Variants in CMSS1 observed in about 807,000 individuals in gnomAD.
CMSS1 encodes protein CMSS1.
A neutral mutation model predicts 43.5 loss-of-function variants in CMSS1; 33 were observed. The ratio of observed to expected loss-of-function variants is 0.76; its 90% CI spans 0.57 to 1.01. CMSS1 has a LOEUF of 1.01. CMSS1 is among the 50% of genes least tolerant of loss of function. CMSS1 has a pLI of 0.00. For missense variants in CMSS1, 313 were observed against 326.4 expected (o/e 0.96, Z 0.32); for synonymous variants, 115 against 117.2 (o/e 0.98, Z 0.12).
intron 1 of CMSS1, among the ~76,000 whole-genome samples, chr3:100,059,425 G>A (rs1299946320): frequency 1.3e-5 from 2 of 152,060 alleles, no homozygotes; most frequent in Admixed American, 1.3e-4. Flanking sequence ...GCTTTCCCCT[G>A]CTTCTTCACT....
intron 1 of CMSS1, among the ~76,000 whole-genome samples, chr3:99,981,484 A>G (rs1274553761): frequency 6.6e-6 from 1 of 152,160 alleles, no homozygotes; most frequent in African/African-American, 2.4e-5. Context: ...TCACAATGAT[A>G]CATGATAAAT....
chr3:99,875,736 A>C, intron 1 of CMSS1, among the ~76,000 whole-genome samples: 1 of 152,152 alleles, frequency 6.6e-6, no homozygotes, highest in Admixed American at 6.5e-5. Flanking sequence ...GCTGCAGTAC[A>C]ATATAGTCTC....
chr3:100,178,504 C>A lies in CMSS1; in HGVS notation c.*116C>A, dbSNP rs1388244876. On this transcript the variant is annotated 3_prime_UTR_variant, in exon 10 of 10. Coordinates refer to ENST00000421999, the MANE Select transcript of CMSS1 (RefSeq NM_032359.4). ...AGCAAATAGTTTATGTTAATTGTGT[C>A]AACAGATGGATCACTGGAATGTGGG... The A allele has an allele frequency of 1.6e-6, 1 of 616,830 alleles. No homozygotes were observed. The highest frequency in any genetic ancestry group is 2.2e-5 in the South Asian group (1 of 46,384). The allele number at this position is 616,830 out of a possible 1,614,324, so 38.2% of individuals were successfully genotyped here.
chr3:100,111,539 G>C (rs1399956651), intron 1 of CMSS1, among the ~76,000 whole-genome samples: 1 of 152,142 alleles, frequency 6.6e-6, no homozygotes, highest in East Asian at 1.9e-4. Context: ...AAATGACATT[G>C]TTAATGCCAT....
At chr3:100,159,801 G>A (rs555188871) in intron 2 of CMSS1, 16 of 427,874 alleles carry the variant, frequency 3.7e-5, no homozygotes, top group Non-Finnish European at 7.1e-5. Context: ...AAGGCAACAG[G>A]CAAAACAGAT....
At chr3:99,988,222 G>A (rs1483993165) in intron 1 of CMSS1, among the ~76,000 whole-genome samples, 3 of 151,468 alleles carry the variant, frequency 2.0e-5, no homozygotes, top group Admixed American at 6.6e-5. Context: ...ATTTGGCCGG[G>A]CGCAGTGCCT....
chr3:100,091,477 T>G (rs1262409420), intron 1 of CMSS1, among the ~76,000 whole-genome samples: 2 of 152,150 alleles, frequency 1.3e-5, no homozygotes, highest in African/African-American at 4.8e-5. Context: ...GAGCAGCCAG[T>G]TTTAAAGATG....
At chr3:99,847,878 A>C (rs2107519556) in intron 1 of CMSS1, 1 of 904,412 alleles carries the variant, frequency 1.1e-6, no homozygotes, top group East Asian at 1.1e-4. Flanking sequence ...TCTATTGTAC[A>C]TGCAGAAATA....
chr3:99,977,185 A>G (rs1331953816), intron 1 of CMSS1, among the ~76,000 whole-genome samples: 2 of 152,226 alleles, frequency 1.3e-5, no homozygotes, highest in Admixed American at 1.3e-4. Flanking sequence ...TAAGAGGCAT[A>G]AGGCTGGAGG....
chr3:99,852,261 C>T (rs1479962917), intron 1 of CMSS1, among the ~76,000 whole-genome samples: 2 of 152,048 alleles, frequency 1.3e-5, no homozygotes, highest in Non-Finnish European at 2.9e-5. Flanking sequence ...AGGAATTGAA[C>T]CAAAGGACTT....
In CMSS1 at chr3:99,840,903, T is replaced by C. The variant is rs1466338405; in HGVS notation, c.64+22860T>C. Among the ~76,000 whole-genome samples the C allele has an allele frequency of 2.0e-5, 3 of 152,262 alleles. No individual in the cohort carries two copies. The East Asian group carries it at 5.8e-4, about 29-fold the overall frequency. On this transcript the variant is annotated intron_variant, in intron 1 of 9. Transcript: ENST00000421999. ...CTTAACTGAGGCTTTGTTAATCTAC[T>C]GTGGTCTTCCTTAATCTCCAGTTTA...
chr3:99,879,226 C>T (rs186910109), intron 1 of CMSS1, among the ~76,000 whole-genome samples: 49 of 152,080 alleles, frequency 3.2e-4, no homozygotes, highest in African/African-American at 1.2e-3. Flanking sequence ...CTTTCTAATG[C>T]GGGAGAAGGG....
intron 1 of CMSS1, chr3:99,847,871 A>G (rs1008311699): frequency 1.0e-5 from 9 of 872,726 alleles, no homozygotes; most frequent in African/African-American, 5.5e-5. Flanking sequence ...ACAAAATTCT[A>G]TTGTACATGC....
At chr3:100,074,840 C>A (rs1217198603) in intron 1 of CMSS1, among the ~76,000 whole-genome samples, 1 of 151,128 alleles carries the variant, frequency 6.6e-6, no homozygotes, top group Non-Finnish European at 1.5e-5. Context: ...ATTACAGGTG[C>A]GCACCACCAC....
At chr3:99,818,495 A>AT (rs1185694142) in intron 1 of CMSS1, among the ~76,000 whole-genome samples, 1 of 152,206 alleles carries the variant, frequency 6.6e-6, no homozygotes, top group African/African-American at 2.4e-5. Context: ...GATAACAATA[A>AT]TGTCCATTTC....
chr3:100,041,483 A>G (rs1425726688), intron 1 of CMSS1: 1 of 152,110 alleles, frequency 6.6e-6, no homozygotes, highest in African/African-American at 2.4e-5. Context: ...TAGCCCTGTT[A>G]TATCAGTGTT....
chr3:100,062,093 C>CTTCT (rs2065577734), intron 1 of CMSS1, among the ~76,000 whole-genome samples: 1 of 53,154 alleles, frequency 1.9e-5, no homozygotes, highest in Non-Finnish European at 3.4e-5. Flanking sequence ...CTGTCTTCTT[C>CTTCT]TTTTTTTTTT....
At chr3:99,905,609 C>T (rs1706589380) in intron 1 of CMSS1, among the ~76,000 whole-genome samples, 1 of 152,188 alleles carries the variant, frequency 6.6e-6, no homozygotes, top group Admixed American at 6.5e-5. Flanking sequence ...TACACTTTTA[C>T]ATATGTGTGT....
intron 2 of CMSS1, chr3:100,159,804 A>G: frequency 2.3e-6 from 1 of 432,312 alleles, no homozygotes; most frequent in Non-Finnish European, 4.7e-6. Flanking sequence ...GCAACAGGCA[A>G]AACAGATTAC....
Sources: gnomAD v4.1 joint callset for allele counts (sites outside exome capture counted in the v4.1 genomes callset) on GRCh38, gnomAD v4.1.1 for gene constraint, MANE v1.5 for transcripts, NCBI Gene and HGNC (gene_info 2026-07-23, HGNC 2026-07-21) for gene names.